Variants in ABCA5 observed in about 807,000 individuals in gnomAD.
The protein encoded by ABCA5 is ATP binding cassette subfamily A member 5, also known as cholesterol transporter ABCA5.
A neutral mutation model predicts 206.0 loss-of-function variants in ABCA5; 163 were observed. That is an observed-to-expected ratio of 0.79 (90% CI 0.70 to 0.90). ABCA5 has a LOEUF of 0.90. Ranked by LOEUF, ABCA5 falls within the 40% of genes least tolerant of loss-of-function variation. The pLI, the probability that ABCA5 is intolerant of heterozygous loss-of-function variation, is 0.00. For synonymous variants in ABCA5, 609 were observed against 613.8 expected (o/e 0.99, Z 0.11); for missense variants, 1,859 against 1,912.9 (o/e 0.97, Z 0.53).
chr17:69,299,070 A>G (rs1015772986), intron 9 of ABCA5, among the ~76,000 whole-genome samples: 23 of 152,208 alleles, frequency 1.5e-4, no homozygotes, highest in African/African-American at 4.3e-4. Context: ...AAAATGCTCA[A>G]CATCACTAAT....
At chr17:69,268,087 A>ATT in intron 22 of ABCA5, 31 bp from the exon 23 acceptor site, 1 of 1,002,290 alleles carries the variant, frequency 1.0e-6, no homozygotes, top group Non-Finnish European at 1.6e-6. Flanking sequence ...AACAAATGGA[A>ATT]CTGAGAATCA....
rs2075496835 is a variant in ABCA5 at position 69,289,177 on chromosome 17, C to T, written c.1902G>A (p.Lys634=). 1 of 1,595,532 alleles carries T rather than the reference C, an allele frequency of 6.3e-7. No individual in the cohort carries two copies. ...SLGIAVLGNP[K]ILLLDEPTAG... Reference sequence around the variant, plus strand: ...ATCTGTAAAAGTAATATTTATTTACCTTTGGGTTCCCAAGAACAGCAATTC... The same window carrying T: ...ATCTGTAAAAGTAATATTTATTTACTTTTGGGTTCCCAAGAACAGCAATTC... Residue 634 remains lysine, a splice_region_variant and synonymous_variant, in exon 14 of 39, where the codon AAG becomes AAA. Coordinates refer to ENST00000392676, the MANE Select transcript of ABCA5 (RefSeq NM_172232.4).
At chr17:69,268,165 T>C (rs1443942430) in intron 22 of ABCA5, 109 bp from the exon 23 acceptor site, 2 of 563,820 alleles carry the variant, frequency 3.5e-6, no homozygotes, top group African/African-American at 3.8e-5. Flanking sequence ...TCAGAAAGAA[T>C]GTATTAGAAT....
intron 18 of ABCA5, among the ~76,000 whole-genome samples, chr17:69,278,843 T>C (rs2075360635): frequency 6.6e-6 from 1 of 151,920 alleles, no homozygotes. Context: ...CAACCCTTCA[T>C]GCTAAAAACT....
chr17:69,264,593 T>C, intron 24 of ABCA5, 142 bp downstream of exon 24: 1 of 442,234 alleles, frequency 2.3e-6, no homozygotes, highest in Admixed American at 4.5e-5. Flanking sequence ...TGATTACATG[T>C]ATTAAATACC....
chr17:69,289,902 G>C lies in ABCA5; in HGVS notation c.1742C>G (p.Ala581Gly). The C allele has an allele frequency of 6.2e-7, 1 of 1,611,192 alleles. No homozygotes were observed. Among genetic ancestry groups the C allele is most frequent in the South Asian group, 1.1e-5 (1 of 90,836 alleles). ...GTTGGCTGGTATCCCTTTGATTGAA[G>C]CCAAAATTGATAAATTTTCTTCTAC... is the stretch of plus-strand genomic sequence containing the variant. ...LTVEENLSIL[A>G]SIKGIPANNI... Residue 581 changes from alanine to glycine, a missense_variant, in exon 13 of 39, where the codon GCT becomes GGT. Transcript: ENST00000392676.
chr17:69,320,737 T>G (rs576972035), intron 1 of ABCA5, among the ~76,000 whole-genome samples: 1 of 152,308 alleles, frequency 6.6e-6, no homozygotes, highest in South Asian at 2.1e-4. Context: ...CTATTCACCC[T>G]CCTCTTTGCC....
At chr17:69,271,852 T>C (rs1301820902) in intron 20 of ABCA5, among the ~76,000 whole-genome samples, 3 of 152,178 alleles carry the variant, frequency 2.0e-5, no homozygotes, top group Non-Finnish European at 4.4e-5. Flanking sequence ...TGGGCAGACA[T>C]GTCAATTGCC....
At chr17:69,301,322 A>G in intron 8 of ABCA5, 36 bp from the exon 9 acceptor site, 3 of 1,561,884 alleles carry the variant, frequency 1.9e-6, no homozygotes, top group Non-Finnish European at 2.6e-6. Flanking sequence ...TTACATAAAA[A>G]TGACAAAAAC....
chr17:69,280,768 G>A (rs1488714021), intron 18 of ABCA5, among the ~76,000 whole-genome samples: 1 of 151,652 alleles, frequency 6.6e-6, no homozygotes, highest in Non-Finnish European at 1.5e-5. Context: ...ATCATTCTCA[G>A]TAAACTATTG....
intron 3 of ABCA5, among the ~76,000 whole-genome samples, chr17:69,312,725 C>T (rs1293833895): frequency 6.6e-6 from 1 of 152,124 alleles, no homozygotes; most frequent in Non-Finnish European, 1.5e-5. Flanking sequence ...GCTGGGACTA[C>T]AGGCACATGC....
intron 18 of ABCA5, among the ~76,000 whole-genome samples, chr17:69,280,800 C>T (rs983284765): frequency 2.7e-4 from 41 of 151,932 alleles, no homozygotes; most frequent in East Asian, 7.7e-4. Context: ...AACCAAACAC[C>T]GCATATTCTC....
In ABCA5 at chr17:69,293,871, T is replaced by TGTGC. The variant is rs1555581962; in HGVS notation, c.1495+783_1495+784insGCAC. On this transcript the variant is annotated intron_variant, in intron 11 of 38. Transcript: ENST00000392676. ...GTGTGTGTGTGTGTGTGTGTGTGTG[T>TGTGC]GCGTGTGTGTGTGTTTGTGTGTGTG... 2.0e-3 allele frequency among the ~76,000 whole-genome samples: 227 copies of TGTGC among 115,366 alleles called. 2 individuals are homozygous for TGTGC. Among genetic ancestry groups the TGTGC allele is most frequent in the African/African-American group, 6.5e-3 (206 of 31,708 alleles). 75.7% of individuals were successfully genotyped at this position (115,366 alleles called of 152,430 possible). A position where few individuals can be genotyped will look rare whatever the true frequency, so the allele number is the denominator to read the frequency against.
chr17:69,260,404 C>T lies in ABCA5; in HGVS notation c.3573G>A (p.Trp1191Ter), dbSNP rs758267708. Residue 1191 changes from tryptophan (W) to a stop codon, truncating the protein, a stop_gained, in exon 27 of 39, where the codon TGG (tryptophan) becomes TGA (stop). Transcript: ENST00000392676. LOFTEE classifies it high-confidence loss of function. ...TGTCCACATTTTTTCGTACATTCTT[C>T]CAAGAAATCTAAGACAAAAAGATTT... is the stretch of plus-strand genomic sequence containing the variant. ...GCLISFIKIS[W>*]KNVRKNVDTY... 12 of 1,601,070 alleles carry T rather than the reference C, an allele frequency of 7.5e-6. No homozygotes were observed. The African/African-American group carries it at 1.3e-4, about 18-fold the overall frequency.
Position 69,261,993 on chromosome 17 carries a change from T to C in ABCA5, c.3316-245A>G, listed in dbSNP as rs76864603. 9.4e-4 allele frequency among the ~76,000 whole-genome samples: 140 copies of C among 148,818 alleles called. 1 individual carries two copies. In the East Asian group the frequency reaches 0.025, roughly 26 times the overall value. The stretch of plus-strand genomic sequence containing the variant: ...GCTACTATTTTAATATACAGCACTT[T>C]ATTTTTTAATGTGTAAGAAAAACAT... On this transcript the variant is annotated intron_variant, in intron 24 of 38. Coordinates refer to ENST00000392676, the MANE Select transcript of ABCA5 (RefSeq NM_172232.4).
intron 1 of ABCA5, among the ~76,000 whole-genome samples, chr17:69,321,798 A>G (rs1268182999): frequency 1.3e-5 from 2 of 152,188 alleles, no homozygotes; most frequent in Non-Finnish European, 2.9e-5. Context: ...ATACTTCCAC[A>G]GCATACCTGA....
chr17:69,325,387 C>T (rs1487211851), intron 1 of ABCA5, among the ~76,000 whole-genome samples: 2 of 151,780 alleles, frequency 1.3e-5, no homozygotes, highest in Non-Finnish European at 2.9e-5. Flanking sequence ...GAGAAAATAA[C>T]AATGCAATGG....
intron 20 of ABCA5, among the ~76,000 whole-genome samples, chr17:69,273,461 A>ATTTATTTATTTATTTAT (rs1567760039): frequency 6.6e-6 from 1 of 150,918 alleles, no homozygotes; most frequent in Non-Finnish European, 1.5e-5. Flanking sequence ...TTATTTATTT[A>ATTTATTTATTTATTTAT]TTTATTTATT....
intron 1 of ABCA5, among the ~76,000 whole-genome samples, chr17:69,324,370 A>AC (rs1174658624): frequency 1.3e-5 from 2 of 152,364 alleles, no homozygotes; most frequent in South Asian, 4.1e-4. Flanking sequence ...GAACAGGGAT[A>AC]CCTGCCATAT....
Sources: allele counts gnomAD v4.1 joint callset (sites outside exome capture counted in the v4.1 genomes callset), GRCh38; gene constraint gnomAD v4.1.1; transcripts MANE v1.5; gene names NCBI Gene and HGNC (gene_info 2026-07-23, HGNC 2026-07-21).